COG5: variants seen among roughly 807,000 people sequenced by gnomAD.
COG5 encodes the protein component of oligomeric golgi complex 5.
A neutral mutation model predicts 110.4 loss-of-function variants in COG5; 86 were observed. The ratio of observed to expected loss-of-function variants is 0.78; its 90% CI spans 0.65 to 0.93. The LOEUF is 0.93. Ranked by LOEUF, COG5 falls within the 40% of genes least tolerant of loss-of-function variation. The pLI is 0.00. For synonymous variants in COG5, 360 were observed against 334.6 expected (o/e 1.08, Z -0.83); for missense variants, 1,077 against 987.0 (o/e 1.09, Z -1.22).
chr7:107,480,211 AG>A (rs1797253621), intron 6 of COG5, among the ~76,000 whole-genome samples: 1 of 152,178 alleles, frequency 6.6e-6, no homozygotes, highest in Admixed American at 6.6e-5. Flanking sequence ...TTAATAGCCA[AG>A]TTACCTTTGG....
intron 6 of COG5, among the ~76,000 whole-genome samples, chr7:107,417,818 G>C (rs1792986021): frequency 6.6e-6 from 1 of 151,914 alleles, no homozygotes; most frequent in Non-Finnish European, 1.5e-5. Context: ...TTCCTCTTGA[G>C]AATTTCTAAA....
intron 1 of COG5, among the ~76,000 whole-genome samples, chr7:107,559,949 G>C (rs1803644463): frequency 6.6e-6 from 1 of 152,206 alleles, no homozygotes; most frequent in South Asian, 2.1e-4. Flanking sequence ...AAAGAGGTTT[G>C]TAAGACATTT....
chr7:107,230,050 C>T (rs1259340330), intron 19 of COG5, among the ~76,000 whole-genome samples: 1 of 151,948 alleles, frequency 6.6e-6, no homozygotes, highest in Non-Finnish European at 1.5e-5. Flanking sequence ...AGAGTTTCAC[C>T]ATGTTGGCCA....
chr7:107,523,779 T>G (rs1800515592), intron 6 of COG5, among the ~76,000 whole-genome samples: 1 of 151,698 alleles, frequency 6.6e-6, no homozygotes, highest in Admixed American at 6.6e-5. Context: ...TGCGCCATTG[T>G]GCTCTAGCCT....
At chr7:107,388,134 A>T (rs1454120436) in intron 7 of COG5, among the ~76,000 whole-genome samples, 1 of 152,160 alleles carries the variant, frequency 6.6e-6, no homozygotes, top group Non-Finnish European at 1.5e-5. Context: ...TGGCTAAACA[A>T]ATTATCCTAC....
chr7:107,410,923 G>A (rs768449179), intron 7 of COG5, among the ~76,000 whole-genome samples: 1 of 152,082 alleles, frequency 6.6e-6, no homozygotes, highest in Non-Finnish European at 1.5e-5. Flanking sequence ...TAGGATGGAA[G>A]GGAAGGGCAC....
intron 10 of COG5, among the ~76,000 whole-genome samples, chr7:107,348,979 A>G (rs1165507860): frequency 6.6e-6 from 1 of 152,052 alleles, no homozygotes; most frequent in Non-Finnish European, 1.5e-5. Context: ...CTCCCACTTC[A>G]GCCTGCTGAG....
At position 107,373,951 on chromosome 7, in the gene COG5, G is replaced by C. The variant is rs561842651; in HGVS notation, c.670-1191C>G. ...AGACATACACATAAACTCACACACA[G>C]AGGCAAAGTAGACTCAGCTTAAAGA... On this transcript the variant is annotated intron_variant, in intron 7 of 21. Transcript: ENST00000297135. Among the ~76,000 whole-genome samples, 6 of 152,200 alleles carry C rather than the reference G, an allele frequency of 3.9e-5. No individual in the cohort carries two copies. The South Asian group carries it at 1.0e-3, about 26-fold the overall frequency.
chr7:107,215,626 A>G (rs1268471968), intron 19 of COG5, among the ~76,000 whole-genome samples: 1 of 152,076 alleles, frequency 6.6e-6, no homozygotes, highest in Admixed American at 6.5e-5. Context: ...ATTGTACCAC[A>G]GCACTTACAG....
At chr7:107,449,841 T>C (rs1010213252) in intron 6 of COG5, among the ~76,000 whole-genome samples, 1 of 152,202 alleles carries the variant, frequency 6.6e-6, no homozygotes, top group South Asian at 2.1e-4. Flanking sequence ...TTGCAAAATA[T>C]CTTTTTATCT....
chr7:107,346,644 A>C (rs796339007), intron 10 of COG5, among the ~76,000 whole-genome samples: 15 of 152,236 alleles, frequency 9.9e-5, no homozygotes, highest in African/African-American at 3.4e-4. Flanking sequence ...ACTTCTACCC[A>C]TATGTGTCTG....
intron 21 of COG5, chr7:107,209,677 C>T: frequency 6.3e-6 from 2 of 319,206 alleles, no homozygotes; most frequent in Non-Finnish European, 9.1e-6. Flanking sequence ...AAACAGATGG[C>T]TGTGGTGTAA....
In COG5 at chr7:107,317,348, G is replaced by A. The variant is rs537988642; in HGVS notation, c.1108+7092C>T. The stretch of plus-strand genomic sequence containing the variant: ...GAGAGAACAGAGGCGCATAGACAGA[G>A]AATTCCAGAGATGTGCAAAGGGTTC... On this transcript the variant is annotated intron_variant, in intron 11 of 21. Transcript: ENST00000297135. Among the ~76,000 whole-genome samples, 10 of 152,198 alleles carry A rather than the reference G, an allele frequency of 6.6e-5. No homozygotes were observed. In the South Asian group the frequency reaches 1.7e-3, roughly 25 times the overall value.
At chr7:107,406,405 G>A (rs1791839877) in intron 7 of COG5, among the ~76,000 whole-genome samples, 1 of 152,026 alleles carries the variant, frequency 6.6e-6, no homozygotes, top group Admixed American at 6.6e-5. Context: ...TAAATCTTTT[G>A]AATAAATTTA....
chr7:107,291,514 T>C (rs1184394601), intron 12 of COG5, among the ~76,000 whole-genome samples: 1 of 152,186 alleles, frequency 6.6e-6, no homozygotes, highest in Non-Finnish European at 1.5e-5. Context: ...TCTCCCACAG[T>C]CTTAAATCTC....
chr7:107,472,989 T>C (rs1376465830), intron 6 of COG5: 1 of 151,896 alleles, frequency 6.6e-6, no homozygotes, highest in Non-Finnish European at 1.5e-5. Context: ...TATTAAAATA[T>C]AGATTTGCAT....
intron 14 of COG5, among the ~76,000 whole-genome samples, chr7:107,270,432 T>C (rs906447073): frequency 6.6e-6 from 1 of 152,060 alleles, no homozygotes; most frequent in African/African-American, 2.4e-5. Context: ...CTGCTAATTT[T>C]GGTATTTTCA....
chr7:107,331,474 A>C (rs561598938), intron 10 of COG5, among the ~76,000 whole-genome samples: 5 of 152,148 alleles, frequency 3.3e-5, no homozygotes, highest in African/African-American at 4.8e-5. Context: ...TCTCAAAAAA[A>C]AAGAAAAAGA....
intron 8 of COG5, among the ~76,000 whole-genome samples, chr7:107,362,916 T>G (rs1446688313): frequency 6.6e-6 from 1 of 152,054 alleles, no homozygotes; most frequent in Non-Finnish European, 1.5e-5. Context: ...AGGAAAACAA[T>G]TTTAATTCAC....
Sources: gnomAD v4.1 joint callset for allele counts (sites outside exome capture counted in the v4.1 genomes callset) on GRCh38, gnomAD v4.1.1 for gene constraint, MANE v1.5 for transcripts, NCBI Gene and HGNC (gene_info 2026-07-23, HGNC 2026-07-21) for gene names.